METTL21C: variants seen among roughly 807,000 people sequenced by gnomAD.
METTL21C encodes the protein protein-lysine methyltransferase METTL21C.
In METTL21C, 21 loss-of-function variants were observed where a neutral mutation model predicts 25.9. The observed-to-expected ratio is 0.81, with a 90% CI of 0.58 to 1.17. The LOEUF (loss-of-function observed/expected upper bound fraction) is 1.17, where lower values mean the gene tolerates loss of function less well. Ranked by LOEUF, METTL21C falls within the 50% of genes most tolerant of loss-of-function variation. The probability of loss-of-function intolerance (pLI) is 0.00; values close to 1 mark genes in which losing one functional copy is unlikely to be tolerated. For missense variants in METTL21C, 312 were observed against 315.1 expected (o/e 0.99, Z 0.07); for synonymous variants, 125 against 124.7 (o/e 1.00, Z -0.01).
intron 2 of METTL21C, among the ~76,000 whole-genome samples, chr13:102,687,275 T>A (rs193211760): frequency 7.2e-5 from 11 of 152,348 alleles, no homozygotes; most frequent in Non-Finnish European, 1.5e-4. Flanking sequence ...AAAGATTTGT[T>A]AAATTGCCTC....
At chr13:102,698,660 C>T (rs1460606363), upstream of METTL21C, among the ~76,000 whole-genome samples, 1 of 152,020 alleles carries the variant, frequency 6.6e-6, no homozygotes, top group Non-Finnish European at 1.5e-5. Flanking sequence ...TTTTCCAGCC[C>T]CTCATCCTCC....
At chr13:102,697,927 C>T (rs556153724), upstream of METTL21C, among the ~76,000 whole-genome samples, 19 of 152,256 alleles carry the variant, frequency 1.2e-4, no homozygotes, top group East Asian at 3.3e-3. Flanking sequence ...TATTCCACTC[C>T]AGCTGCAGAG....
chr13:102,700,939 T>C, the METTL21C span, among the ~76,000 whole-genome samples: 1 of 151,862 alleles, frequency 6.6e-6, no homozygotes, highest in Non-Finnish European at 1.5e-5. Context: ...CATGACACTT[T>C]TGAGAGGGGA....
intron 1 of METTL21C, among the ~76,000 whole-genome samples, 177 bp from the exon 2 acceptor site, chr13:102,691,141 G>A (rs1885821564): frequency 6.6e-6 from 1 of 152,124 alleles, no homozygotes; most frequent in South Asian, 2.1e-4. Flanking sequence ...ATGGGGTGAT[G>A]GGGACATGAA....
At chr13:102,701,816 A>T in the METTL21C span, among the ~76,000 whole-genome samples, 4 of 152,170 alleles carry the variant, frequency 2.6e-5, no homozygotes, top group African/African-American at 9.7e-5. Context: ...AAAGATATAT[A>T]AAAAAGTTTG....
the METTL21C span, among the ~76,000 whole-genome samples, chr13:102,700,929 C>T: frequency 6.6e-6 from 1 of 151,922 alleles, no homozygotes; most frequent in South Asian, 2.1e-4. Flanking sequence ...GCTGCTTGGA[C>T]ATGACACTTT....
chr13:102,688,935 G>T (rs915864963), intron 2 of METTL21C, among the ~76,000 whole-genome samples: 1 of 152,136 alleles, frequency 6.6e-6, no homozygotes, highest in African/African-American at 2.4e-5. Context: ...ACCTGAAGTC[G>T]CACAGGAAAA....
chr13:102,690,170 C>T (rs1291966704), intron 2 of METTL21C, among the ~76,000 whole-genome samples: 1 of 152,132 alleles, frequency 6.6e-6, no homozygotes, highest in Non-Finnish European at 1.5e-5. Flanking sequence ...CTTGTAATCC[C>T]AGCACTTTGG....
At chr13:102,697,839 C>G (rs1885970697), upstream of METTL21C, among the ~76,000 whole-genome samples, 1 of 152,294 alleles carries the variant, frequency 6.6e-6, no homozygotes, top group Admixed American at 6.5e-5. Flanking sequence ...GCCACAAGAC[C>G]AGCAACAGGA....
chr13:102,687,081 A>G lies in METTL21C; in HGVS notation c.283-24T>C, dbSNP rs747592083. The G allele has an allele frequency of 3.8e-6, 6 of 1,576,880 alleles. No homozygotes were observed. The African/African-American group carries it at 4.1e-5, about 11-fold the overall frequency. On this transcript the variant is annotated intron_variant, in intron 2 of 3. Coordinates refer to ENST00000267273, the MANE Select transcript of METTL21C (RefSeq NM_001010977.3). ...GCCTAAAAAATAATTATAACTTTTC[A>G]TGTGGGCATTGGAACATTGGAAACC...
chr13:102,703,692 C>T, the METTL21C span, among the ~76,000 whole-genome samples: 3 of 152,228 alleles, frequency 2.0e-5, no homozygotes, highest in African/African-American at 4.8e-5. Flanking sequence ...GGAGATGGGG[C>T]TTGTGAAAAT....
the METTL21C span, among the ~76,000 whole-genome samples, chr13:102,700,838 G>A: frequency 6.6e-6 from 1 of 151,986 alleles, no homozygotes; most frequent in Non-Finnish European, 1.5e-5. Flanking sequence ...AGGAGAGGCT[G>A]CCCCATGACT....
In METTL21C at chr13:102,694,900, T is replaced by A. The variant is rs1751778; in HGVS notation, c.-402A>T. Among the ~76,000 whole-genome samples the A allele has an allele frequency of 0.11, 14,805 of 135,372 alleles. 1,404 individuals are homozygous for A. Among genetic ancestry groups the A allele is most frequent in the African/African-American group, 0.25 (8,648 of 34,050 alleles). The allele number at this position is 135,372 out of a possible 152,430, so 88.8% of individuals were successfully genotyped here. On this transcript the variant is annotated 5_prime_UTR_variant, in exon 1 of 4. It removes the in-frame stop codon of an upstream open reading frame in the 5' UTR. Transcript: ENST00000267273. ...CTCTCTCTCTCTCTCTCTCTCTCTC[T>A]CACACACACACACACACACACACAC...
chr13:102,690,837 A>T lies in METTL21C; in HGVS notation c.258T>A (p.Ser86Arg), dbSNP rs1885810994. The change falls in exon 2 of 4, where the codon AGT becomes AGA. Residue 86 changes from serine to arginine, a missense_variant. Coordinates refer to ENST00000267273, the MANE Select transcript of METTL21C (RefSeq NM_001010977.3). ...CCCCTGGCCACACCACCGCTCCGTAACTCTCTATGGATTCCTGGATGACAA... is the reference window on the plus strand; with the variant it reads ...CCCCTGGCCACACCACCGCTCCGTATCTCTCTATGGATTCCTGGATGACAA... ...KEIVIQESIE[S>R]YGAVVWPGAM... The T allele has an allele frequency of 1.2e-6, 2 of 1,613,874 alleles. No individual in the cohort carries two copies. The highest frequency in any genetic ancestry group is 1.7e-6 in the Non-Finnish European group (2 of 1,180,002).
chr13:102,696,760 C>A (rs1327251262), upstream of METTL21C, among the ~76,000 whole-genome samples: 3 of 152,112 alleles, frequency 2.0e-5, no homozygotes, highest in Non-Finnish European at 1.5e-5. Context: ...TGAGAAGGAA[C>A]CAAGAAGTCT....
At chr13:102,698,381 G>A (rs1028915860), upstream of METTL21C, among the ~76,000 whole-genome samples, 12 of 152,148 alleles carry the variant, frequency 7.9e-5, no homozygotes, top group African/African-American at 2.7e-4. Context: ...GTTCTCTGAC[G>A]CACTTCCTTG....
upstream of METTL21C, among the ~76,000 whole-genome samples, chr13:102,695,452 A>G (rs986702076): frequency 4.6e-5 from 7 of 152,254 alleles, no homozygotes; most frequent in Non-Finnish European, 2.9e-5. Flanking sequence ...AATAGAATAT[A>G]GGTCACACAA....
At position 102,686,178 on chromosome 13, in the gene METTL21C, C is replaced by T. The variant is rs1885664653; in HGVS notation, c.648G>A (p.Gly216=). ...LTTMVYLSQP[G]TVLLWANKFR... ...ATTTGTTTGCCCAAAGCAGCACCGT[C>T]CCTGGCTGGGAAAGGTACACCATGG... is the stretch of plus-strand genomic sequence containing the variant. Residue 216 remains glycine (G), a synonymous_variant, in exon 4 of 4, where the codon GGG becomes GGA. Transcript: ENST00000267273. The T allele has an allele frequency of 1.2e-6, 2 of 1,614,164 alleles. No homozygotes were observed. The highest frequency in any genetic ancestry group is 1.7e-6 in the Non-Finnish European group (2 of 1,180,040).
rs529716475 is a variant in METTL21C, at chr13:102,692,124, G to A, written c.131-1160C>T. 1.8e-4 allele frequency among the ~76,000 whole-genome samples: 27 copies of A among 152,250 alleles called. No individual in the cohort carries two copies. The South Asian group carries it at 1.9e-3, about 11-fold the overall frequency. Reference sequence around the variant, plus strand: ...GGATATGACTGTAAAATGTTTAACCGGGGGTCAAATATGGGCTTTGGACAA... The same window carrying A: ...GGATATGACTGTAAAATGTTTAACCAGGGGTCAAATATGGGCTTTGGACAA... On this transcript the variant is annotated intron_variant, in intron 1 of 3. Transcript: ENST00000267273.
Sources: allele counts gnomAD v4.1 joint callset (sites outside exome capture counted in the v4.1 genomes callset), GRCh38; gene constraint gnomAD v4.1.1; transcripts MANE v1.5; gene names NCBI Gene and HGNC (gene_info 2026-07-23, HGNC 2026-07-21).